ITGA1: variants seen among roughly 807,000 people sequenced by gnomAD.
ITGA1 encodes the protein integrin alpha-1.
ITGA1 carries 85 observed loss-of-function variants against 145.9 expected under a neutral mutation model. The observed-to-expected ratio is 0.58, with a 90% CI of 0.49 to 0.70. The LOEUF (loss-of-function observed/expected upper bound fraction) is 0.70. Among genes scored for constraint, ITGA1 ranks in the 30% least tolerant of loss-of-function variants. ITGA1 has a pLI of 0.00. For synonymous variants in ITGA1, 520 were observed against 495.3 expected, an observed-to-expected ratio of 1.05 and a Z score of -0.66; for missense variants, 1,351 against 1,418.7, an observed-to-expected ratio of 0.95 and a Z score of 0.77.
chr5:52,867,851 T>A (rs910343569), intron 6 of ITGA1, among the ~76,000 whole-genome samples: 2 of 152,000 alleles, frequency 1.3e-5, no homozygotes, highest in Non-Finnish European at 1.5e-5. Context: ...TGCTGTTGTT[T>A]TTTTTCTTTC....
At chr5:52,812,981 A>G in intron 1 of ITGA1, among the ~76,000 whole-genome samples, 1 of 151,998 alleles carries the variant, frequency 6.6e-6, no homozygotes, top group East Asian at 1.9e-4. Context: ...TACCCTCAAC[A>G]TGAGACAGGC....
At chr5:52,846,682 C>T (rs933129603) in intron 1 of ITGA1, among the ~76,000 whole-genome samples, 2 of 152,134 alleles carry the variant, frequency 1.3e-5, no homozygotes, top group South Asian at 2.1e-4. Context: ...TAAAAGGACC[C>T]GTGCAATTCA....
At chr5:52,843,720 T>A (rs1749292415) in intron 1 of ITGA1, among the ~76,000 whole-genome samples, 3 of 152,160 alleles carry the variant, frequency 2.0e-5, no homozygotes, top group Admixed American at 2.0e-4. Context: ...TTATTTTTAT[T>A]TTTATTAATC....
chr5:52,865,177 A>G (rs912274422), intron 5 of ITGA1, 95 bp downstream of exon 5: 2 of 868,624 alleles, frequency 2.3e-6, no homozygotes, highest in African/African-American at 3.4e-5. Flanking sequence ...AGCTTAAAGT[A>G]TTTTCTTAGC....
intron 12 of ITGA1, 46 bp downstream of exon 12, chr5:52,905,954 T>G: frequency 2.0e-6 from 3 of 1,510,074 alleles, no homozygotes; most frequent in Non-Finnish European, 2.7e-6. Context: ...CTATTCATAC[T>G]CTATGTATAT....
chr5:52,823,237 C>T lies in ITGA1; in HGVS notation c.62-26128C>T, dbSNP rs141077615. 1.8e-3 allele frequency among the ~76,000 whole-genome samples: 278 copies of T among 152,274 alleles called. 5 individuals carry two copies. In the East Asian group the frequency reaches 0.05, roughly 28 times the overall value. Reference sequence around the variant, plus strand: ...ATTTTAATTTTTAGACAGAGTTTTGCTCTGTTGCCCAGGCTGGAGTGCAGT... The same window carrying T: ...ATTTTAATTTTTAGACAGAGTTTTGTTCTGTTGCCCAGGCTGGAGTGCAGT... On this transcript the variant is annotated intron_variant, in intron 1 of 28. Transcript: ENST00000282588.
chr5:52,897,577 C>A, intron 10 of ITGA1, 49 bp downstream of exon 10: 1 of 1,474,718 alleles, frequency 6.8e-7, no homozygotes, highest in Non-Finnish European at 9.5e-7. Context: ...GCAAGACTTC[C>A]CTTCCCAAAA....
intron 12 of ITGA1, among the ~76,000 whole-genome samples, chr5:52,906,709 T>A (rs954301569): frequency 2.6e-5 from 4 of 152,174 alleles, no homozygotes; most frequent in Admixed American, 1.3e-4. Flanking sequence ...TATTCCACAG[T>A]CCTTTTACAG....
At chr5:52,873,379 C>T (rs1749813746) in intron 6 of ITGA1, among the ~76,000 whole-genome samples, 1 of 152,138 alleles carries the variant, frequency 6.6e-6, no homozygotes, top group Non-Finnish European at 1.5e-5. Flanking sequence ...CATTTTTGAG[C>T]CTACGTCACT....
At chr5:52,854,358 T>C (rs1291514380) in intron 2 of ITGA1, among the ~76,000 whole-genome samples, 1 of 152,212 alleles carries the variant, frequency 6.6e-6, no homozygotes, top group Non-Finnish European at 1.5e-5. Flanking sequence ...GATTTTAATA[T>C]GCTTATTTTA....
intron 21 of ITGA1, among the ~76,000 whole-genome samples, chr5:52,930,721 C>A (rs1267554485): frequency 6.6e-6 from 1 of 151,834 alleles, no homozygotes; most frequent in Admixed American, 6.6e-5. Flanking sequence ...GCATTTCAGG[C>A]AAAATATATA....
At position 52,881,724 on chromosome 5, in the gene ITGA1, C is replaced by T. The variant is rs141005899; in HGVS notation, c.625-149C>T. The T allele has an allele frequency of 3.1e-3, 1,789 of 584,986 alleles. 25 individuals are homozygous for T. Among genetic ancestry groups the T allele is most frequent in the African/African-American group, 0.028 (1,501 of 53,710 alleles). 36.2% of individuals were successfully genotyped at this position (584,986 alleles called of 1,614,324 possible). A position where few individuals can be genotyped will look rare whatever the true frequency, so the allele number is the denominator to read the frequency against. ...TACGAACAGTCACAGAATGGCTATG[C>T]TTATTACTGTCAAAATAGAAGCATT... On this transcript the variant is annotated intron_variant, in intron 6 of 28. Transcript: ENST00000282588.
rs1750791034 is a variant in ITGA1 at position 52,925,415 on chromosome 5, T to C, written c.2541T>C (p.Asn847=). The part of the protein sequence containing the change: ...DKFNVSLTVK[N]TKDSAYNTRT... The stretch of plus-strand genomic sequence containing the variant: ...TCAACGTTAGCCTCACAGTCAAAAA[T>C]ACAAAGGACAGTGCCTATAACACCA... Residue 847 remains asparagine (N), a synonymous_variant, in exon 19 of 29, where the codon AAT becomes AAC. Transcript: ENST00000282588. 1 of 1,614,136 alleles carries C rather than the reference T, an allele frequency of 6.2e-7. No homozygotes were observed. The highest frequency in any genetic ancestry group is 8.5e-7 in the Non-Finnish European group (1 of 1,179,988).
At chr5:52,921,333 AT>A (rs920526284) in intron 17 of ITGA1, among the ~76,000 whole-genome samples, 2 of 152,094 alleles carry the variant, frequency 1.3e-5, no homozygotes, top group African/African-American at 4.8e-5. Flanking sequence ...CATAGTCTGT[AT>A]TTTGAAAATT....
At chr5:52,878,155 A>C (rs1320835113) in intron 6 of ITGA1, among the ~76,000 whole-genome samples, 1 of 151,730 alleles carries the variant, frequency 6.6e-6, no homozygotes, top group Non-Finnish European at 1.5e-5. Flanking sequence ...AGGACGGGGG[A>C]CTCCCAGACA....
intron 2 of ITGA1, among the ~76,000 whole-genome samples, chr5:52,850,081 C>T (rs1697981812): frequency 6.6e-6 from 1 of 150,908 alleles, no homozygotes; most frequent in Admixed American, 6.6e-5. Context: ...CAGCTCACTG[C>T]AACCTCCGCC....
intron 7 of ITGA1, among the ~76,000 whole-genome samples, chr5:52,882,308 T>C (rs1437846222): frequency 1.2e-4 from 19 of 152,140 alleles, no homozygotes; most frequent in Non-Finnish European, 7.4e-5. Flanking sequence ...AAGACAATAT[T>C]AGTTAATATT....
Position 52,864,989 on chromosome 5 carries a change from G to A in ITGA1, c.403G>A (p.Ala135Thr), listed in dbSNP as rs780713811. 3 of 1,612,496 alleles carry A rather than the reference G, an allele frequency of 1.9e-6. No individual in the cohort carries two copies. Among genetic ancestry groups the A allele is most frequent in the Non-Finnish European group, 2.5e-6 (3 of 1,179,440 alleles). ...GGFLACGPLY[A>T]YRCGHLHYTT... ...TTTAAAGGCTTGTGGGCCCTTATAT[G>A]CCTATAGATGTGGACATTTGCATTA... Residue 135 changes from alanine (A) to threonine (T), a missense_variant, in exon 5 of 29, where the codon GCC becomes ACC. By Grantham distance (58) the Ala-to-Thr change is moderately conservative. Transcript: ENST00000282588.
In ITGA1 at chr5:52,910,207, T is replaced by G. The variant is rs1419823677; in HGVS notation, c.1645T>G (p.Cys549Gly). 3 of 1,613,678 alleles carry G rather than the reference T, an allele frequency of 1.9e-6. No individual in the cohort carries two copies. The change falls in exon 14 of 29, where the codon TGC becomes GGC. Residue 549 changes from cysteine (C) to glycine (G), a missense_variant. Transcript: ENST00000282588. ...QMSLEPIKQTCCSSRQHNSCT... is the reference protein window; with the variant it reads ...QMSLEPIKQTGCSSRQHNSCT... ...GAGCCTGGAACCTATTAAGCAGACG[T>G]GCTGTTCATCTCGGCAGCACAATTC...
Sources: gnomAD v4.1 joint callset for allele counts (sites outside exome capture counted in the v4.1 genomes callset) on GRCh38, gnomAD v4.1.1 for gene constraint, MANE v1.5 for transcripts, NCBI Gene and HGNC (gene_info 2026-07-23, HGNC 2026-07-21) for gene names.